Variants in BRINP1 observed in about 807,000 individuals in gnomAD.
The protein encoded by BRINP1 is BMP/retinoic acid inducible neural specific 1.
Under a neutral mutation model 72.9 loss-of-function variants are expected in BRINP1, and 17 were observed. That is an observed-to-expected ratio of 0.23 (90% CI 0.16 to 0.35). The LOEUF (loss-of-function observed/expected upper bound fraction) is 0.35, where lower values mean the gene tolerates loss of function less well. Among genes scored for constraint, BRINP1 ranks in the 10% least tolerant of loss-of-function variants. The pLI is 1.00. For synonymous variants in BRINP1, 418 were observed against 378.5 expected, an observed-to-expected ratio of 1.10 and a Z score of -1.21; for missense variants, 850 against 1,001.6, an observed-to-expected ratio of 0.85 and a Z score of 2.04.
At chr9:119,210,945 A>C (rs1270742570) in intron 6 of BRINP1, among the ~76,000 whole-genome samples, 2 of 152,162 alleles carry the variant, frequency 1.3e-5, no homozygotes, top group Admixed American at 6.5e-5. Flanking sequence ...AGGATGACAC[A>C]AGACTCTACA....
At chr9:119,363,072 C>T (rs1831652164) in intron 1 of BRINP1, among the ~76,000 whole-genome samples, 1 of 152,160 alleles carries the variant, frequency 6.6e-6, no homozygotes, top group African/African-American at 2.4e-5. Context: ...CTAAGCTTGT[C>T]CCAGTGAAAT....
At chr9:119,211,057 G>C (rs921596729) in intron 6 of BRINP1, among the ~76,000 whole-genome samples, 2 of 152,146 alleles carry the variant, frequency 1.3e-5, no homozygotes, top group African/African-American at 4.8e-5. Flanking sequence ...AAAACATAAA[G>C]CTTATCTTGC....
chr9:119,229,008 T>C (rs1329205645), intron 5 of BRINP1, among the ~76,000 whole-genome samples: 1 of 152,144 alleles, frequency 6.6e-6, no homozygotes, highest in African/African-American at 2.4e-5. Context: ...GAGATTATCT[T>C]TGAAGTTGCC....
rs35224314 is a variant in BRINP1, at chr9:119,168,110, C to T, written c.1260G>A (p.Thr420=). Residue 420 remains threonine, a synonymous_variant, in exon 8 of 8, where the codon ACG becomes ACA. Transcript: ENST00000265922. The part of the protein sequence containing the change: ...QRSCVCHGST[T]LCQRPIPCVI... ...CGCAGGGGATGGGGCGCTGGCACAG[C>T]GTGGTGCTGCCGTGGCACACGCAGC... is the stretch of plus-strand genomic sequence containing the variant. 6.6e-3 allele frequency: 10,557 copies of T among 1,608,200 alleles called. 571 individuals are homozygous for T. The African/African-American group carries it at 0.12, about 18-fold the overall frequency.
At chr9:119,232,934 A>G (rs1830161212) in intron 5 of BRINP1, among the ~76,000 whole-genome samples, 1 of 152,078 alleles carries the variant, frequency 6.6e-6, no homozygotes, top group African/African-American at 2.4e-5. Context: ...CCACTATTTG[A>G]GCTGTTACTG....
intron 7 of BRINP1, among the ~76,000 whole-genome samples, chr9:119,176,515 G>C (rs942687387): frequency 1.6e-4 from 25 of 152,288 alleles, no homozygotes; most frequent in South Asian, 2.1e-4. Context: ...AAGCGGAGCT[G>C]AGTTCAAAGC....
At chr9:119,336,350 G>C (rs138234227) in intron 1 of BRINP1, among the ~76,000 whole-genome samples, 1 of 152,144 alleles carries the variant, frequency 6.6e-6, no homozygotes, top group Admixed American at 6.5e-5. Flanking sequence ...TCCTACATAC[G>C]TTGATTTATT....
At chr9:119,263,817 C>T (rs993383860) in intron 2 of BRINP1, among the ~76,000 whole-genome samples, 6 of 151,904 alleles carry the variant, frequency 3.9e-5, no homozygotes, top group African/African-American at 1.2e-4. Flanking sequence ...ACCGTGTTAG[C>T]CAGGATGGTC....
At chr9:119,336,939 G>A (rs972611867) in intron 1 of BRINP1, among the ~76,000 whole-genome samples, 6 of 152,080 alleles carry the variant, frequency 3.9e-5, no homozygotes, top group Non-Finnish European at 7.4e-5. Flanking sequence ...CTGATTCCAC[G>A]GAAATGGGAT....
intron 3 of BRINP1, among the ~76,000 whole-genome samples, chr9:119,246,072 G>A (rs996962225): frequency 6.6e-6 from 1 of 152,160 alleles, no homozygotes; most frequent in African/African-American, 2.4e-5. Context: ...ACTTTCAATA[G>A]ATGATTTTAT....
chr9:119,360,330 T>C (rs1355349718), intron 1 of BRINP1, among the ~76,000 whole-genome samples: 3 of 152,236 alleles, frequency 2.0e-5, no homozygotes. Flanking sequence ...CTTGTGCAGA[T>C]GTTTTTGTCG....
At chr9:119,265,461 T>A (rs1184076251) in intron 2 of BRINP1, among the ~76,000 whole-genome samples, 2 of 151,780 alleles carry the variant, frequency 1.3e-5, no homozygotes, top group Non-Finnish European at 2.9e-5. Flanking sequence ...AAAAATTAGC[T>A]GGGTGTGGTG....
intron 7 of BRINP1, among the ~76,000 whole-genome samples, chr9:119,205,319 A>C (rs1332453): frequency 0.17 from 25,518 of 152,114 alleles, 2,449 homozygotes; most frequent in Admixed American, 0.27. Context: ...TGACCTGCTA[A>C]TGGTGGAACG....
At chr9:119,252,976 T>C (rs1351104640) in intron 2 of BRINP1, among the ~76,000 whole-genome samples, 2 of 152,164 alleles carry the variant, frequency 1.3e-5, no homozygotes, top group African/African-American at 4.8e-5. Flanking sequence ...GTACCCAGTT[T>C]ATCCCTCACA....
At chr9:119,199,426 T>G (rs1344786206) in intron 7 of BRINP1, among the ~76,000 whole-genome samples, 1 of 152,168 alleles carries the variant, frequency 6.6e-6, no homozygotes, top group East Asian at 1.9e-4. Context: ...AAAGCTGACA[T>G]GAGTTCAGAA....
chr9:119,310,518 GGAGA>G (rs1317547386), intron 2 of BRINP1, among the ~76,000 whole-genome samples: 1 of 152,150 alleles, frequency 6.6e-6, no homozygotes, highest in Non-Finnish European at 1.5e-5. Context: ...TACAAATGCA[GGAGA>G]AAGAAGATGG....
chr9:119,270,373 C>T (rs535028176), intron 2 of BRINP1, among the ~76,000 whole-genome samples: 1 of 152,288 alleles, frequency 6.6e-6, no homozygotes. Context: ...TGAACGTGGA[C>T]AGGCACGCTT....
chr9:119,321,633 C>T (rs1587960183), intron 1 of BRINP1, among the ~76,000 whole-genome samples: 1 of 152,246 alleles, frequency 6.6e-6, no homozygotes, highest in East Asian at 1.9e-4. Context: ...TGCCACCATG[C>T]CTGGCTAACT....
chr9:119,272,079 GTTTT>G (rs1377585717), intron 2 of BRINP1, among the ~76,000 whole-genome samples: 3 of 92,752 alleles, frequency 3.2e-5, no homozygotes, highest in African/African-American at 7.8e-5. Flanking sequence ...TACTTTTTTG[GTTTT>G]TTTGAGACAA....
Sources: allele counts gnomAD v4.1 joint callset (sites outside exome capture counted in the v4.1 genomes callset), GRCh38; gene constraint gnomAD v4.1.1; transcripts MANE v1.5; gene names NCBI Gene and HGNC (gene_info 2026-07-23, HGNC 2026-07-21).